Variants in PSAT1 observed in about 807,000 individuals in gnomAD.
The protein encoded by PSAT1 is phosphoserine aminotransferase.
PSAT1 carries 41 observed loss-of-function variants against 40.3 expected under a neutral mutation model. That is an observed-to-expected ratio of 1.02 (90% CI 0.79 to 1.32). The LOEUF (loss-of-function observed/expected upper bound fraction) is 1.32. Ranked by LOEUF, PSAT1 falls within the 40% of genes most tolerant of loss-of-function variation. The probability of loss-of-function intolerance (pLI) is 0.00; values close to 1 mark genes in which losing one functional copy is unlikely to be tolerated. For synonymous variants in PSAT1, 147 were observed against 170.5 expected (o/e 0.86, Z 1.07); for missense variants, 406 against 455.8 (o/e 0.89, Z 0.99).
At chr9:78,303,530 C>T (rs1319404736) in intron 3 of PSAT1, among the ~76,000 whole-genome samples, 1 of 152,132 alleles carries the variant, frequency 6.6e-6, no homozygotes, top group Non-Finnish European at 1.5e-5. Context: ...ACCTAGACCT[C>T]GGCCTGGTTT....
Position 78,304,757 on chromosome 9 carries a change from G to A in PSAT1, c.214G>A (p.Val72Met). The change falls in exon 4 of 9, where the codon GTG (valine) becomes ATG (methionine). Residue 72 changes from valine (V) to methionine (M), a missense_variant. By Grantham distance (21) the Val-to-Met change is conservative. Transcript: ENST00000376588. The stretch of plus-strand genomic sequence containing the variant: ...CAGAGCTGTTCCAGACAACTATAAG[G>A]TGATTTTTCTGCAAGGAGGTGGGTG... ...ELLAVPDNYK[V>M]IFLQGGGCGQ... 6.2e-7 allele frequency: 1 copy of A among 1,614,076 alleles called. No homozygotes were observed.
Position 78,329,468 on chromosome 9 carries a change from GGTGCTGA to G in PSAT1, c.*383_*389del. ...GCACAGAGGGTAGGGGGGCCCTCTA[GGTGCTGA>G]ATCTACACATCTGTGGGGTCTCCTG... On this transcript the variant is annotated 3_prime_UTR_variant, in exon 9 of 9. Coordinates refer to ENST00000376588, the MANE Select transcript of PSAT1 (RefSeq NM_058179.4). 1.3e-4 allele frequency: 35 copies of G among 268,828 alleles called. No homozygotes were observed. Among genetic ancestry groups the G allele is most frequent in the South Asian group, 3.2e-4 (8 of 24,944 alleles). The allele number at this position is 268,828 out of a possible 1,614,324, so 16.7% of individuals were successfully genotyped here.
At position 78,316,134 on chromosome 9, in the gene PSAT1, G is replaced by A. The variant is rs142488996; in HGVS notation, c.741-1542G>A. On this transcript the variant is annotated intron_variant, in intron 6 of 8. Coordinates refer to ENST00000376588, the MANE Select transcript of PSAT1 (RefSeq NM_058179.4). ...TTCAGACTGGGGAAAACCATGCACCGCTCCTCAGTGTTTCATATTTTCAGC... is the reference window on the plus strand; with the variant it reads ...TTCAGACTGGGGAAAACCATGCACCACTCCTCAGTGTTTCATATTTTCAGC... Among the ~76,000 whole-genome samples, 1,045 of 152,244 alleles carry A rather than the reference G, an allele frequency of 6.9e-3. 13 individuals are homozygous for A. Among genetic ancestry groups the A allele is most frequent in the African/African-American group, 0.023 (955 of 41,544 alleles).
At chr9:78,327,655 A>T (rs1170919476) in intron 7 of PSAT1, among the ~76,000 whole-genome samples, 3 of 152,174 alleles carry the variant, frequency 2.0e-5, no homozygotes, top group Non-Finnish European at 1.5e-5. Context: ...TATAGGACCA[A>T]CTTATTATTT....
Position 78,306,310 on chromosome 9 carries a change from A to C in PSAT1, c.398-4A>C. The C allele has an allele frequency of 6.2e-7, 1 of 1,612,120 alleles. No homozygotes were observed. The highest frequency in any genetic ancestry group is 8.5e-7 in the Non-Finnish European group (1 of 1,179,872). On this transcript the variant is annotated splice_region_variant and splice_polypyrimidine_tract_variant and intron_variant, in intron 4 of 8. Coordinates refer to ENST00000376588, the MANE Select transcript of PSAT1 (RefSeq NM_058179.4). ...CAAAGTCTCAAACTTGTCTTCTGTG[A>C]TAGAAATTCCAGATCCAAGCACCTG... is the stretch of plus-strand genomic sequence containing the variant.
At chr9:78,326,157 A>G (rs530914722) in intron 7 of PSAT1, among the ~76,000 whole-genome samples, 4 of 152,204 alleles carry the variant, frequency 2.6e-5, no homozygotes, top group African/African-American at 9.6e-5. Context: ...GCTGTGTACT[A>G]GACTCTCATT....
Position 78,317,796 on chromosome 9 carries a change from A to T in PSAT1, c.861A>T (p.Gly287=). 2 of 1,612,730 alleles carry T rather than the reference A, an allele frequency of 1.2e-6. No homozygotes were observed. Among genetic ancestry groups the T allele is most frequent in the Non-Finnish European group, 1.7e-6 (2 of 1,179,840 alleles). Reference sequence around the variant, plus strand: ...ATGAGATTATTGATAATTCTCAAGGATTCTACGTGTAAGTCAATGGATTTT... The same window carrying T: ...ATGAGATTATTGATAATTCTCAAGGTTTCTACGTGTAAGTCAATGGATTTT... ...TIYEIIDNSQ[G]FYVCPVEPQN... Residue 287 remains glycine (G), a synonymous_variant, in exon 7 of 9, where the codon GGA becomes GGT. Coordinates refer to ENST00000376588, the MANE Select transcript of PSAT1 (RefSeq NM_058179.4).
rs1828549332 is a variant in PSAT1 at position 78,329,412 on chromosome 9, T to A, written c.*326T>A. 2 of 363,580 alleles carry A rather than the reference T, an allele frequency of 5.5e-6. No individual in the cohort carries two copies. Among genetic ancestry groups the A allele is most frequent in the Non-Finnish European group, 1.1e-5 (2 of 189,546 alleles). 22.5% of individuals were successfully genotyped at this position (363,580 alleles called of 1,614,324 possible). A position where few individuals can be genotyped will look rare whatever the true frequency, so the allele number is the denominator to read the frequency against. On this transcript the variant is annotated 3_prime_UTR_variant, in exon 9 of 9. Coordinates refer to ENST00000376588, the MANE Select transcript of PSAT1 (RefSeq NM_058179.4). ...GTGGACTTAATAATGCAAGTTGCGA[T>A]TAATTATTTCTGGAGTCATGGGAAC...
intron 5 of PSAT1, 56 bp downstream of exon 5, chr9:78,306,542 A>G: frequency 6.3e-7 from 1 of 1,598,960 alleles, no homozygotes; most frequent in Non-Finnish European, 8.6e-7. Context: ...CTGCAGGGAC[A>G]TTTTAATATA....
chr9:78,311,289 G>A (rs949156676), intron 6 of PSAT1, among the ~76,000 whole-genome samples: 1 of 152,142 alleles, frequency 6.6e-6, no homozygotes, highest in Admixed American at 6.5e-5. Context: ...AGGTACAGGA[G>A]GCTGTCCTTA....
At chr9:78,319,158 T>A (rs1379867829) in intron 7 of PSAT1, among the ~76,000 whole-genome samples, 1 of 152,230 alleles carries the variant, frequency 6.6e-6, no homozygotes, top group Non-Finnish European at 1.5e-5. Flanking sequence ...AGTGGCCACA[T>A]GGGACCGACA....
At chr9:78,311,567 C>T (rs1483025856) in intron 6 of PSAT1, among the ~76,000 whole-genome samples, 1 of 152,038 alleles carries the variant, frequency 6.6e-6, no homozygotes, top group Admixed American at 6.6e-5. Context: ...GGTGCGGTGG[C>T]TCACACCTGT....
At chr9:78,326,973 T>TTTTTTTTTTTTA (rs1204287516) in intron 7 of PSAT1, among the ~76,000 whole-genome samples, 1 of 129,208 alleles carries the variant, frequency 7.7e-6, no homozygotes, top group African/African-American at 3.3e-5. Context: ...TTTTTTTTTT[T>TTTTTTTTTTTTA]GAGACAGAGT....
chr9:78,308,448 T>C lies in PSAT1; in HGVS notation c.605T>C (p.Val202Ala), dbSNP rs768990312. The change falls in exon 6 of 9, where the codon GTT becomes GCT. Residue 202 changes from valine (V) to alanine (A), a missense_variant. By Grantham distance (64) the Val-to-Ala change is moderately conservative. Transcript: ENST00000376588. ...GVIFAGAQKN[V>A]GSAGVTVVIV... ...ATTTTTGCTGGTGCCCAGAAGAATG[T>C]TGGCTCTGCTGGGGTCACCGTGGTG... 9 of 1,613,898 alleles carry C rather than the reference T, an allele frequency of 5.6e-6. No individual in the cohort carries two copies. The highest frequency in any genetic ancestry group is 1.7e-5 in the Admixed American group (1 of 60,014).
chr9:78,308,643 C>T (rs1233806375), intron 6 of PSAT1, 60 bp downstream of exon 6: 29 of 1,584,670 alleles, frequency 1.8e-5, no homozygotes, highest in East Asian at 4.5e-5. Context: ...TTCATCAAAG[C>T]GGAGGTTACA....
chr9:78,324,616 C>T (rs961584396), intron 7 of PSAT1, among the ~76,000 whole-genome samples: 2 of 152,154 alleles, frequency 1.3e-5, no homozygotes, highest in African/African-American at 4.8e-5. Context: ...GACGGGGTCA[C>T]CCATGTTTAA....
chr9:78,303,618 A>G (rs936558196), intron 3 of PSAT1, among the ~76,000 whole-genome samples: 6 of 152,148 alleles, frequency 3.9e-5, no homozygotes, highest in Non-Finnish European at 4.4e-5. Flanking sequence ...TTGGGTTATC[A>G]GTCTTCCCAG....
chr9:78,325,679 C>T (rs112378171), intron 7 of PSAT1, among the ~76,000 whole-genome samples: 6 of 152,324 alleles, frequency 3.9e-5, no homozygotes, highest in South Asian at 2.1e-4. Context: ...TGATTCCCTC[C>T]GGAGCCATCT....
chr9:78,324,838 C>T (rs57306700), intron 7 of PSAT1, among the ~76,000 whole-genome samples: 190 of 152,264 alleles, frequency 1.2e-3, no homozygotes, highest in African/African-American at 3.7e-3. Context: ...CACACCGGCC[C>T]GTCCTACTCA....
Sources: gnomAD v4.1 joint callset for allele counts (sites outside exome capture counted in the v4.1 genomes callset) on GRCh38, gnomAD v4.1.1 for gene constraint, MANE v1.5 for transcripts, NCBI Gene and HGNC (gene_info 2026-07-23, HGNC 2026-07-21) for gene names.